Variants in XIRP2 observed in about 807,000 individuals in gnomAD.
XIRP2 encodes xin actin-binding repeat-containing protein 2.
XIRP2 carries 236 observed loss-of-function variants against 277.0 expected under a neutral mutation model. That is an observed-to-expected ratio of 0.85 (90% CI 0.77 to 0.95). The LOEUF (loss-of-function observed/expected upper bound fraction) is 0.95, where lower values mean the gene tolerates loss of function less well. XIRP2 is among the 40% of genes least tolerant of loss of function. The pLI is 0.00. For synonymous variants in XIRP2, 1,490 were observed against 1,416.5 expected, an observed-to-expected ratio of 1.05 and a Z score of -1.17; for missense variants, 4,640 against 4,157.5, an observed-to-expected ratio of 1.12 and a Z score of -3.19.
chr2:167,126,542 T>TC (rs1438601393), intron 2 of XIRP2, among the ~76,000 whole-genome samples: 8 of 152,158 alleles, frequency 5.3e-5, no homozygotes, highest in Non-Finnish European at 7.3e-5. Context: ...TCCTTATTTT[T>TC]CTGATGAAAA....
intron 4 of XIRP2, among the ~76,000 whole-genome samples, chr2:167,216,080 T>C (rs1167592035): frequency 1.0e-4 from 14 of 136,652 alleles, no homozygotes; most frequent in Non-Finnish European, 1.9e-4. Context: ...GCTAGCCATA[T>C]GTAGAAAGCT....
At chr2:166,937,191 GT>G (rs1195629839) in intron 2 of XIRP2, among the ~76,000 whole-genome samples, 1 of 152,160 alleles carries the variant, frequency 6.6e-6, no homozygotes, top group Non-Finnish European at 1.5e-5. Flanking sequence ...AATGCTTCCA[GT>G]TTTTTCCCAT....
intron 2 of XIRP2, among the ~76,000 whole-genome samples, chr2:167,012,932 T>C (rs1687722333): frequency 6.6e-6 from 1 of 151,476 alleles, no homozygotes; most frequent in Admixed American, 6.6e-5. Flanking sequence ...TCTTTCATGA[T>C]GATAAAAATT....
chr2:166,929,942 C>A lies in XIRP2; in HGVS notation c.408+26052C>A, dbSNP rs111308068. ...CTCATCTTCACCTAAGATCAGATTA[C>A]ATCAGAATAGTTAGAGGTTGGGATA... On this transcript the variant is annotated intron_variant, in intron 2 of 10. Coordinates refer to ENST00000409195, the MANE Select transcript of XIRP2 (RefSeq NM_152381.6). Among the ~76,000 whole-genome samples, 554 of 152,242 alleles carry A rather than the reference C, an allele frequency of 3.6e-3. 4 individuals are homozygous for A. The highest frequency in any genetic ancestry group is 0.012 in the African/African-American group (507 of 41,566).
intron 2 of XIRP2, among the ~76,000 whole-genome samples, chr2:167,125,802 T>C (rs1264238549): frequency 6.6e-6 from 1 of 152,194 alleles, no homozygotes; most frequent in Admixed American, 6.6e-5. Flanking sequence ...CAGTTTGTTT[T>C]AATCACTCAT....
chr2:167,170,707 A>G (rs1208801008), intron 3 of XIRP2, among the ~76,000 whole-genome samples: 1 of 152,018 alleles, frequency 6.6e-6, no homozygotes, highest in African/African-American at 2.4e-5. Context: ...ATTTTAAGCA[A>G]TCTTGCTAGA....
chr2:167,010,133 C>T (rs891925837), intron 2 of XIRP2, among the ~76,000 whole-genome samples: 2 of 152,074 alleles, frequency 1.3e-5, no homozygotes, highest in Admixed American at 1.3e-4. Flanking sequence ...GACATGAAGT[C>T]CTTGCCCATG....
chr2:167,257,224 T>A (rs1695681387), intron 10 of XIRP2, among the ~76,000 whole-genome samples: 2 of 151,926 alleles, frequency 1.3e-5, no homozygotes, highest in African/African-American at 4.8e-5. Flanking sequence ...TCTCCTTAGT[T>A]CTTTGTATTT....
chr2:167,116,316 C>G (rs1342184826), intron 2 of XIRP2, among the ~76,000 whole-genome samples: 2 of 152,156 alleles, frequency 1.3e-5, no homozygotes, highest in Non-Finnish European at 2.9e-5. Context: ...TTTTGTAGCT[C>G]TGTTGATTCA....
At chr2:167,049,057 G>C (rs533464668) in intron 2 of XIRP2, among the ~76,000 whole-genome samples, 2 of 151,932 alleles carry the variant, frequency 1.3e-5, no homozygotes, top group South Asian at 2.1e-4. Flanking sequence ...CAAATGCCTG[G>C]AGGGGAAAAG....
chr2:167,253,807 C>A (rs1308077881), intron 9 of XIRP2, among the ~76,000 whole-genome samples: 1 of 151,452 alleles, frequency 6.6e-6, no homozygotes, highest in Admixed American at 6.6e-5. Context: ...TCTACTCGTA[C>A]AATCTATAAA....
At chr2:167,010,342 C>T (rs1687634415) in intron 2 of XIRP2, among the ~76,000 whole-genome samples, 2 of 151,632 alleles carry the variant, frequency 1.3e-5, no homozygotes, top group Admixed American at 1.3e-4. Context: ...TTCCCCATTG[C>T]TTGTTTTTCT....
At position 167,234,915 on chromosome 2, in the gene XIRP2, C is replaced by T. The variant is rs112517627; in HGVS notation, c.859-4940C>T. ...CATCCCACTACAGTTTCTATATGAT[C>T]CTTGACAACATGTCAAATCCATTAA... On this transcript the variant is annotated intron_variant, in intron 5 of 10. Coordinates refer to ENST00000409195, the MANE Select transcript of XIRP2 (RefSeq NM_152381.6). Among the ~76,000 whole-genome samples, 1,253 of 151,952 alleles carry T rather than the reference C, an allele frequency of 8.2e-3. 9 individuals are homozygous for T. The highest frequency in any genetic ancestry group is 0.014 in the Non-Finnish European group (929 of 67,762).
At chr2:167,086,312 GCT>G (rs1689941766) in intron 2 of XIRP2, among the ~76,000 whole-genome samples, 1 of 152,140 alleles carries the variant, frequency 6.6e-6, no homozygotes, top group East Asian at 1.9e-4. Context: ...TGAGAGATCC[GCT>G]GTTAGTCTGA....
At chr2:167,022,091 C>T (rs1023773061) in intron 2 of XIRP2, among the ~76,000 whole-genome samples, 5 of 152,022 alleles carry the variant, frequency 3.3e-5, no homozygotes, top group Non-Finnish European at 5.9e-5. Flanking sequence ...AAGAACTGTT[C>T]AAAGCAGCTC....
chr2:167,138,567 G>T (rs1352157267), intron 3 of XIRP2, among the ~76,000 whole-genome samples: 1 of 152,118 alleles, frequency 6.6e-6, no homozygotes, highest in Non-Finnish European at 1.5e-5. Context: ...GCATGTTGGT[G>T]CATTCCATTC....
chr2:167,229,690 C>T (rs1694699471), intron 5 of XIRP2, among the ~76,000 whole-genome samples: 1 of 151,914 alleles, frequency 6.6e-6, no homozygotes, highest in Admixed American at 6.6e-5. Context: ...TTTTGATGTT[C>T]ATTTAGTTAT....
At chr2:167,003,199 C>T (rs1364629610) in intron 2 of XIRP2, among the ~76,000 whole-genome samples, 2 of 150,996 alleles carry the variant, frequency 1.3e-5, no homozygotes, top group African/African-American at 2.4e-5. Context: ...ATTTGGCCCA[C>T]AAACACTTGT....
intron 2 of XIRP2, among the ~76,000 whole-genome samples, chr2:166,945,525 G>T (rs1236840273): frequency 6.6e-6 from 1 of 151,960 alleles, no homozygotes; most frequent in Non-Finnish European, 1.5e-5. Flanking sequence ...TAACGTATCG[G>T]AAAGACAGCG....
Sources: allele counts gnomAD v4.1 joint callset (sites outside exome capture counted in the v4.1 genomes callset), GRCh38; gene constraint gnomAD v4.1.1; transcripts MANE v1.5; gene names NCBI Gene and HGNC (gene_info 2026-07-23, HGNC 2026-07-21).